PALD1: variants seen among roughly 807,000 people sequenced by gnomAD.
PALD1 encodes paladin.
PALD1 carries 57 observed loss-of-function variants against 96.0 expected under a neutral mutation model. That is an observed-to-expected ratio of 0.59 (90% CI 0.48 to 0.74). PALD1 has a LOEUF of 0.74. PALD1 is among the 30% of genes least tolerant of loss of function. PALD1 has a pLI of 0.00. For synonymous variants in PALD1, 464 were observed against 473.6 expected (o/e 0.98, Z 0.26); for missense variants, 1,063 against 1,143.7 (o/e 0.93, Z 1.02).
In PALD1 at chr10:70,568,239, G is replaced by A. The variant is rs1198531057; in HGVS notation, c.*1506G>A. 6.5e-6 allele frequency: 1 copy of A among 152,764 alleles called. No individual in the cohort carries two copies. The highest frequency in any genetic ancestry group is 2.4e-5 in the African/African-American group (1 of 41,414). The allele number at this position is 152,764 out of a possible 1,614,324, so 9.5% of individuals were successfully genotyped here. Reference sequence around the variant, plus strand: ...GGAGTCAGAGATGGGACTGAATGGGGAGGGATCCTTTGTGTTCTCATGGTT... The same window carrying A: ...GGAGTCAGAGATGGGACTGAATGGGAAGGGATCCTTTGTGTTCTCATGGTT... On this transcript the variant is annotated 3_prime_UTR_variant, in exon 20 of 20. Transcript: ENST00000263563.
intron 18 of PALD1, 75 bp from the exon 19 acceptor site, chr10:70,564,289 G>A: frequency 6.8e-7 from 1 of 1,467,142 alleles, no homozygotes; most frequent in Non-Finnish European, 9.3e-7. Context: ...GGCACTCAGG[G>A]CAGCAGGGTG....
chr10:70,467,215 G>A, the PALD1 span, among the ~76,000 whole-genome samples: 1 of 152,062 alleles, frequency 6.6e-6, no homozygotes, highest in African/African-American at 2.4e-5. Flanking sequence ...TGGGAAAGAG[G>A]CCCCCTGGGG....
chr10:70,461,146 T>C, the PALD1 span, among the ~76,000 whole-genome samples: 2 of 152,272 alleles, frequency 1.3e-5, no homozygotes, highest in Admixed American at 6.5e-5. Context: ...AGCAGCCTTC[T>C]TTCCGCTTCT....
At chr10:70,482,614 G>C (rs1019533361) in intron 1 of PALD1, among the ~76,000 whole-genome samples, 1 of 152,098 alleles carries the variant, frequency 6.6e-6, no homozygotes, top group African/African-American at 2.4e-5. Context: ...TGACACATCT[G>C]CCTCGACCAT....
intron 1 of PALD1, among the ~76,000 whole-genome samples, chr10:70,504,632 C>T (rs1846352732): frequency 1.3e-5 from 2 of 152,010 alleles, no homozygotes; most frequent in African/African-American, 2.4e-5. Context: ...CTGTATGTTC[C>T]AAAACAAAAA....
At chr10:70,517,758 C>T (rs1846648447) in intron 1 of PALD1, among the ~76,000 whole-genome samples, 1 of 152,120 alleles carries the variant, frequency 6.6e-6, no homozygotes, top group Non-Finnish European at 1.5e-5. Context: ...GTCCTTCCTC[C>T]ACCGACCTGC....
At chr10:70,541,629 A>G (rs960377582) in intron 17 of PALD1, 95 bp downstream of exon 17, 5 of 860,130 alleles carry the variant, frequency 5.8e-6, no homozygotes, top group African/African-American at 1.7e-5. Flanking sequence ...AGCACGTCCC[A>G]ATGCAGTCAC....
the PALD1 span, among the ~76,000 whole-genome samples, chr10:70,459,897 C>G: frequency 2.5e-4 from 38 of 152,328 alleles, no homozygotes; most frequent in Admixed American, 2.0e-3. Context: ...AGCTGCCGCA[C>G]CTTCTCCACA....
the PALD1 span, among the ~76,000 whole-genome samples, chr10:70,458,932 G>A: frequency 6.6e-6 from 1 of 152,242 alleles, no homozygotes; most frequent in Non-Finnish European, 1.5e-5. Context: ...GCGTGGGCAG[G>A]AGAGTCAGGA....
chr10:70,475,339 ATCCG>A (rs1845810316), upstream of PALD1, among the ~76,000 whole-genome samples: 1 of 152,046 alleles, frequency 6.6e-6, no homozygotes, highest in African/African-American at 2.4e-5. Context: ...CAGACAGGGG[ATCCG>A]TCTGTGTTGG....
intron 1 of PALD1, among the ~76,000 whole-genome samples, chr10:70,487,156 CAG>C (rs1846027661): frequency 2.4e-5 from 2 of 83,396 alleles, no homozygotes; most frequent in South Asian, 7.0e-4. Context: ...TTTTTTGAGA[CAG>C]AGTCTCGCTC....
At chr10:70,475,065 G>A (rs564768581), upstream of PALD1, among the ~76,000 whole-genome samples, 1 of 152,340 alleles carries the variant, frequency 6.6e-6, no homozygotes, top group South Asian at 2.1e-4. Flanking sequence ...CTTGCTGAGT[G>A]CCAAGCACCT....
At chr10:70,466,122 C>A in the PALD1 span, among the ~76,000 whole-genome samples, 2 of 152,128 alleles carry the variant, frequency 1.3e-5, no homozygotes, top group Non-Finnish European at 2.9e-5. Flanking sequence ...GGATCTCAGG[C>A]CCCCTTGGGA....
At chr10:70,508,502 A>C (rs969034242) in intron 1 of PALD1, among the ~76,000 whole-genome samples, 2 of 152,062 alleles carry the variant, frequency 1.3e-5, no homozygotes, top group African/African-American at 4.8e-5. Context: ...TGATATGCTT[A>C]AGGTAGAATC....
intron 1 of PALD1, among the ~76,000 whole-genome samples, chr10:70,496,690 G>A (rs1846201272): frequency 6.6e-6 from 1 of 152,024 alleles, no homozygotes; most frequent in South Asian, 2.1e-4. Context: ...TCCTTTTTTG[G>A]TGCTTGTGGA....
chr10:70,471,462 A>G, the PALD1 span, among the ~76,000 whole-genome samples: 2 of 152,200 alleles, frequency 1.3e-5, no homozygotes, highest in Non-Finnish European at 2.9e-5. Flanking sequence ...CACTGTGGTC[A>G]TCTTTGTCCA....
intron 18 of PALD1, among the ~76,000 whole-genome samples, chr10:70,554,148 G>A (rs1847542039): frequency 6.6e-6 from 1 of 152,240 alleles, no homozygotes; most frequent in Non-Finnish European, 1.5e-5. Flanking sequence ...CTGCCTCAAG[G>A]CCATGCACTC....
chr10:70,564,277 C>T lies in PALD1; in HGVS notation c.2263-87C>T, dbSNP rs1309409670. 7.9e-6 allele frequency: 11 copies of T among 1,398,512 alleles called. No homozygotes were observed. In the East Asian group the frequency reaches 2.3e-4, roughly 30 times the overall value. 86.6% of individuals were successfully genotyped at this position (1,398,512 alleles called of 1,614,324 possible). A position where few individuals can be genotyped will look rare whatever the true frequency, so the allele number is the denominator to read the frequency against. On this transcript the variant is annotated intron_variant, in intron 18 of 19. Coordinates refer to ENST00000263563, the MANE Select transcript of PALD1 (RefSeq NM_014431.3). ...AGCTCTGAGGCTGGATCACCCTGCCCTGGCACTCAGGGCAGCAGGGTGGCA... is the reference window on the plus strand; with the variant it reads ...AGCTCTGAGGCTGGATCACCCTGCCTTGGCACTCAGGGCAGCAGGGTGGCA...
intron 7 of PALD1, 70 bp downstream of exon 7, chr10:70,533,140 G>A (rs1847031036): frequency 7.8e-7 from 1 of 1,278,744 alleles, no homozygotes. Context: ...CTCAGGGTGG[G>A]CACAGCCTCT....
Sources: allele counts gnomAD v4.1 joint callset (sites outside exome capture counted in the v4.1 genomes callset), GRCh38; gene constraint gnomAD v4.1.1; transcripts MANE v1.5; gene names NCBI Gene and HGNC (gene_info 2026-07-23, HGNC 2026-07-21).